Variants in PIK3CA observed in about 807,000 individuals in gnomAD.
The protein encoded by PIK3CA is phosphatidylinositol-4,5-bisphosphate 3-kinase catalytic subunit alpha.
In PIK3CA, 27 loss-of-function variants were observed where a neutral mutation model predicts 138.2. That is an observed-to-expected ratio of 0.20 (90% CI 0.14 to 0.27). PIK3CA has a LOEUF of 0.27. Ranked by LOEUF, PIK3CA falls within the 10% of genes least tolerant of loss-of-function variation. The probability of loss-of-function intolerance (pLI) is 1.00; values close to 1 mark genes in which losing one functional copy is unlikely to be tolerated. For synonymous variants in PIK3CA, 358 were observed against 413.2 expected (o/e 0.87, Z 1.62); for missense variants, 544 against 1,277.4 (o/e 0.43, Z 8.75).
In PIK3CA at chr3:179,237,376, C is replaced by T. The variant is rs1200509013; in HGVS notation, c.*3012C>T. ...CTTCTATTCTGCTTTATATTAAAAG[C>T]CCATTAGAAAATGGGAACCTGGTGA... On this transcript the variant is annotated 3_prime_UTR_variant, in exon 21 of 21. Transcript: ENST00000263967. 5.6e-5 allele frequency: 11 copies of T among 195,088 alleles called. No homozygotes were observed. In the Admixed American group the frequency reaches 6.7e-4, roughly 12 times the overall value. The allele number at this position is 195,088 out of a possible 1,614,324, so 12.1% of individuals were successfully genotyped here.
chr3:179,211,136 C>T (rs934394239), intron 9 of PIK3CA, among the ~76,000 whole-genome samples: 4 of 151,954 alleles, frequency 2.6e-5, no homozygotes, highest in African/African-American at 7.3e-5. Context: ...TTATCATTTA[C>T]GACCATAAAA....
intron 1 of PIK3CA, among the ~76,000 whole-genome samples, chr3:179,197,251 C>G (rs181446499): frequency 3.3e-5 from 5 of 152,018 alleles, no homozygotes; most frequent in Non-Finnish European, 7.4e-5. Context: ...GTTGGTCAGG[C>G]TGGTCTCAAA....
At chr3:179,153,030 AT>A (rs1202148285) in intron 1 of PIK3CA, among the ~76,000 whole-genome samples, 1 of 152,174 alleles carries the variant, frequency 6.6e-6, no homozygotes. Context: ...ATTAAGGATG[AT>A]TTATAAAAGA....
intron 9 of PIK3CA, among the ~76,000 whole-genome samples, chr3:179,214,093 A>T (rs531436430): frequency 6.6e-6 from 1 of 152,338 alleles, no homozygotes; most frequent in East Asian, 1.9e-4. Flanking sequence ...TATCTAGACC[A>T]CTAAAACTTT....
At chr3:179,198,375 G>A (rs1010019245) in intron 1 of PIK3CA, among the ~76,000 whole-genome samples, 2 of 152,148 alleles carry the variant, frequency 1.3e-5, no homozygotes, top group Admixed American at 6.5e-5. Flanking sequence ...CTGTTTTTCC[G>A]TAAGATAGAA....
chr3:179,180,610 C>G (rs1181435924), intron 1 of PIK3CA, among the ~76,000 whole-genome samples: 1 of 151,932 alleles, frequency 6.6e-6, no homozygotes, highest in East Asian at 1.9e-4. Context: ...TGATGTCATG[C>G]AAGAGAGGAG....
intron 9 of PIK3CA, among the ~76,000 whole-genome samples, 179 bp from the exon 10 acceptor site, chr3:179,218,031 T>C (rs559143719): frequency 2.0e-5 from 3 of 152,178 alleles, no homozygotes; most frequent in East Asian, 3.9e-4. Context: ...ATGTCTTAGA[T>C]TGGTTCTTTC....
At chr3:179,187,847 C>T (rs1243270488) in intron 1 of PIK3CA, among the ~76,000 whole-genome samples, 2 of 152,034 alleles carry the variant, frequency 1.3e-5, no homozygotes, top group Non-Finnish European at 2.9e-5. Context: ...CCATGTTGGC[C>T]AGGCTGGTCT....
intron 4 of PIK3CA, 66 bp from the exon 5 acceptor site, chr3:179,203,478 T>G (rs1215589969): frequency 1.1e-5 from 17 of 1,482,182 alleles, no homozygotes; most frequent in Non-Finnish European, 1.5e-5. Context: ...GTCATAATAC[T>G]CTGACATGTT....
chr3:179,150,129 G>T (rs1722973140), intron 1 of PIK3CA, among the ~76,000 whole-genome samples: 1 of 151,132 alleles, frequency 6.6e-6, no homozygotes, highest in African/African-American at 2.4e-5. Flanking sequence ...GTTCTGCAGT[G>T]TCATCAGCCA....
intron 6 of PIK3CA, among the ~76,000 whole-genome samples, chr3:179,208,908 G>A (rs1436975245): frequency 6.7e-6 from 1 of 149,910 alleles, no homozygotes; most frequent in African/African-American, 2.4e-5. Flanking sequence ...GTAACTAAAT[G>A]TAATCATAAT....
rs778847991 is a variant in PIK3CA, at chr3:179,224,173, A to G, written c.2280A>G (p.Gln760=). Residue 760 remains glutamine, a synonymous_variant, in exon 15 of 21, where the codon CAA becomes CAG. Coordinates refer to ENST00000263967, the MANE Select transcript of PIK3CA (RefSeq NM_006218.4). ...TGTCTCCTCTAAACCCTGCTCATCA[A>G]CTAGGAAACCTCAGGTACTTTCTTG... is the stretch of plus-strand genomic sequence containing the variant. The part of the protein sequence containing the change: ...GFLSPLNPAH[Q]LGNLRLEECR... The G allele has an allele frequency of 1.9e-6, 3 of 1,554,216 alleles. No individual in the cohort carries two copies. Among genetic ancestry groups the G allele is most frequent in the Non-Finnish European group, 2.6e-6 (3 of 1,134,058 alleles).
Position 179,234,401 on chromosome 3 carries a change from C to G in PIK3CA, c.*37C>G. On this transcript the variant is annotated 3_prime_UTR_variant, in exon 21 of 21. Transcript: ENST00000263967. This position sits in a 1 kb window ranked among gnomAD's most constrained non-coding sequence, Gnocchi z 5.1. Reference sequence around the variant, plus strand: ...AGAAAATGAAAGCTCACTCTGGATTCCACACTGCACTGTTAATAACTCTCA... The same window carrying G: ...AGAAAATGAAAGCTCACTCTGGATTGCACACTGCACTGTTAATAACTCTCA... 6.5e-7 allele frequency: 1 copy of G among 1,547,712 alleles called. No individual in the cohort carries two copies. Among genetic ancestry groups the G allele is most frequent in the Non-Finnish European group, 8.8e-7 (1 of 1,138,090 alleles).
At chr3:179,173,813 G>A (rs570645838) in intron 1 of PIK3CA, among the ~76,000 whole-genome samples, 39 of 151,770 alleles carry the variant, frequency 2.6e-4, no homozygotes, top group Admixed American at 1.2e-3. Context: ...TGCAACCTCC[G>A]CCTCCCTGGT....
chr3:179,224,410 T>G (rs556229920), intron 15 of PIK3CA, among the ~76,000 whole-genome samples: 1 of 152,144 alleles, frequency 6.6e-6, no homozygotes, highest in Non-Finnish European at 1.5e-5. Flanking sequence ...AAACCTTCTA[T>G]GGCCAGAATT....
intron 9 of PIK3CA, 87 bp from the exon 10 acceptor site, chr3:179,218,123 T>C: frequency 8.1e-7 from 1 of 1,227,562 alleles, no homozygotes; most frequent in Non-Finnish European, 1.1e-6. Context: ...ATTGAAAATG[T>C]ATTTGCTTTT....
Position 179,230,540 on chromosome 3 carries a change from A to G in PIK3CA, c.2936+164A>G, listed in dbSNP as rs1437854946. Among the ~76,000 whole-genome samples the G allele has an allele frequency of 6.6e-6, 1 of 152,140 alleles. No homozygotes were observed. The highest frequency in any genetic ancestry group is 1.5e-5 in the Non-Finnish European group (1 of 68,010). ...GAGGCCGAGGCTGGAGGATCACTTGAGCTCAGGAATTGAAACCAGCCTGGG... is the reference window on the plus strand; with the variant it reads ...GAGGCCGAGGCTGGAGGATCACTTGGGCTCAGGAATTGAAACCAGCCTGGG... On this transcript the variant is annotated intron_variant, in intron 20 of 20. Coordinates refer to ENST00000263967, the MANE Select transcript of PIK3CA (RefSeq NM_006218.4). This position sits in a 1 kb window ranked among gnomAD's most constrained non-coding sequence, Gnocchi z 5.4.
intron 1 of PIK3CA, among the ~76,000 whole-genome samples, chr3:179,163,953 A>C (rs530251552): frequency 6.6e-6 from 1 of 152,178 alleles, no homozygotes; most frequent in Non-Finnish European, 1.5e-5. Context: ...AAATCAACAT[A>C]CAGTTTGACC....
In PIK3CA at chr3:179,235,463, A is replaced by G. The variant is rs1725315666; in HGVS notation, c.*1099A>G. The G allele has an allele frequency of 5.3e-6, 1 of 189,152 alleles. No individual in the cohort carries two copies. Among genetic ancestry groups the G allele is most frequent in the Middle Eastern group, 1.9e-3 (1 of 522 alleles). The allele number at this position is 189,152 out of a possible 1,614,324, so 11.7% of individuals were successfully genotyped here. ...ATAGATGAGGCTCAGGCACTATCCC[A>G]TTTATACCAATAACCAGTGTATAAC... On this transcript the variant is annotated 3_prime_UTR_variant, in exon 21 of 21. Coordinates refer to ENST00000263967, the MANE Select transcript of PIK3CA (RefSeq NM_006218.4).
Sources: gnomAD v4.1 joint callset for allele counts (sites outside exome capture counted in the v4.1 genomes callset) on GRCh38, gnomAD v4.1.1 for gene constraint, Gnocchi (gnomAD v3.1) non-coding constraint, MANE v1.5 for transcripts, NCBI Gene and HGNC (gene_info 2026-07-23, HGNC 2026-07-21) for gene names.